The following EPHA5 variants were observed in gnomAD, a reference collection of about 807,000 sequenced individuals.
The protein encoded by EPHA5 is ephrin type-A receptor 5.
EPHA5 carries 60 observed loss-of-function variants against 105.0 expected under a neutral mutation model. The ratio of observed to expected loss-of-function variants is 0.57; its 90% CI spans 0.46 to 0.71. The LOEUF is 0.71. Among genes scored for constraint, EPHA5 ranks in the 30% least tolerant of loss-of-function variants. The pLI is 0.00. For missense variants in EPHA5, 1,218 were observed against 1,274.7 expected (o/e 0.96, Z 0.68); for synonymous variants, 513 against 449.1 (o/e 1.14, Z -1.80).
At chr4:65,359,204 A>T (rs906813242) in intron 11 of EPHA5, among the ~76,000 whole-genome samples, 2 of 151,578 alleles carry the variant, frequency 1.3e-5, no homozygotes, top group African/African-American at 4.8e-5. Context: ...TTTTTAGTGT[A>T]CGTGTATTTA....
At position 65,551,842 on chromosome 4, in the gene EPHA5, G is replaced by T. The variant is rs1737952629; in HGVS notation, c.910+49799C>A. Among the ~76,000 whole-genome samples, 3 of 152,254 alleles carry T rather than the reference G, an allele frequency of 2.0e-5. No homozygotes were observed. In the South Asian group the frequency reaches 6.2e-4, roughly 32 times the overall value. ...TACTGTAGCTATTACCATATAGGTAGTTAAATTATTTAAATCATCAGAAGC... is the reference window on the plus strand; with the variant it reads ...TACTGTAGCTATTACCATATAGGTATTTAAATTATTTAAATCATCAGAAGC... On this transcript the variant is annotated intron_variant, in intron 3 of 16. Transcript: ENST00000613740.
chr4:65,663,102 C>G (rs1578726750), intron 1 of EPHA5, among the ~76,000 whole-genome samples: 1 of 151,962 alleles, frequency 6.6e-6, no homozygotes, highest in Non-Finnish European at 1.5e-5. Context: ...ACTGCAAACC[C>G]TACAGGAAAA....
intron 3 of EPHA5, among the ~76,000 whole-genome samples, chr4:65,541,090 GA>G (rs1736784703): frequency 2.0e-5 from 3 of 150,352 alleles, no homozygotes; most frequent in Admixed American, 1.3e-4. Flanking sequence ...CTACTTTTAA[GA>G]AAAAAATGCA....
At chr4:65,476,045 C>A (rs1729763199) in intron 5 of EPHA5, among the ~76,000 whole-genome samples, 1 of 150,900 alleles carries the variant, frequency 6.6e-6, no homozygotes, top group South Asian at 2.1e-4. Context: ...GAACTTCCTA[C>A]AAATGTAATT....
At chr4:65,385,915 G>T (rs1720035761) in intron 8 of EPHA5, among the ~76,000 whole-genome samples, 1 of 151,790 alleles carries the variant, frequency 6.6e-6, no homozygotes, top group Non-Finnish European at 1.5e-5. Flanking sequence ...ATAGCCCAGA[G>T]CCAACATAGA....
intron 5 of EPHA5, among the ~76,000 whole-genome samples, chr4:65,465,552 AAGGAAAGG>A (rs1728628221): frequency 2.1e-5 from 1 of 47,756 alleles, no homozygotes; most frequent in Non-Finnish European, 5.6e-5. Context: ...GAAGGAAAGG[AAGGAAAGG>A]AAGGAAAGGA....
At chr4:65,471,197 T>A (rs1729251757) in intron 5 of EPHA5, among the ~76,000 whole-genome samples, 1 of 152,194 alleles carries the variant, frequency 6.6e-6, no homozygotes, top group African/African-American at 2.4e-5. Context: ...GGATGAAGTT[T>A]TTCTTTTAAC....
At chr4:65,480,689 T>C (rs935429993) in intron 5 of EPHA5, among the ~76,000 whole-genome samples, 1 of 152,268 alleles carries the variant, frequency 6.6e-6, no homozygotes, top group Admixed American at 6.5e-5. Flanking sequence ...GCCATGGCAA[T>C]GTTCAGCTTC....
chr4:65,455,628 T>G (rs1727503733), intron 5 of EPHA5, among the ~76,000 whole-genome samples: 1 of 152,186 alleles, frequency 6.6e-6, no homozygotes, highest in East Asian at 1.9e-4. Context: ...GAACTTTGTT[T>G]CTATTTCCTT....
chr4:65,623,507 T>C (rs1447710253), intron 2 of EPHA5, among the ~76,000 whole-genome samples: 1 of 152,030 alleles, frequency 6.6e-6, no homozygotes, highest in Non-Finnish European at 1.5e-5. Flanking sequence ...TATGTGAGAA[T>C]ATAATATAAC....
At chr4:65,348,002 A>G (rs2148841029) in intron 14 of EPHA5, 52 bp downstream of exon 14, 1 of 1,481,586 alleles carries the variant, frequency 6.7e-7, no homozygotes, top group Non-Finnish European at 9.0e-7. Flanking sequence ...GTCTTGACTC[A>G]GAGAACAAAG....
At chr4:65,448,344 A>G (rs919984956) in intron 5 of EPHA5, among the ~76,000 whole-genome samples, 1 of 151,974 alleles carries the variant, frequency 6.6e-6, no homozygotes, top group Non-Finnish European at 1.5e-5. Flanking sequence ...ATTTATTATT[A>G]AAAAACAAAA....
In EPHA5 at chr4:65,548,047, A is replaced by G. The variant is rs557640901; in HGVS notation, c.911-52504T>C. 2.0e-5 allele frequency among the ~76,000 whole-genome samples: 3 copies of G among 151,642 alleles called. No homozygotes were observed. In the East Asian group the frequency reaches 5.8e-4, roughly 30 times the overall value. On this transcript the variant is annotated intron_variant, in intron 3 of 16. Transcript: ENST00000613740. ...TTTGCAAATAAAATATACAACACAT[A>G]AATATAACCAGGACCATAAAATAGG...
At chr4:65,367,525 A>C in intron 8 of EPHA5, 101 bp from the exon 9 acceptor site, 2 of 1,043,384 alleles carry the variant, frequency 1.9e-6, no homozygotes, top group Non-Finnish European at 2.9e-6. Flanking sequence ...GCAACCCTAA[A>C]CTGATTTTCA....
chr4:65,404,845 A>G (rs117371592), intron 7 of EPHA5, among the ~76,000 whole-genome samples: 2 of 152,252 alleles, frequency 1.3e-5, no homozygotes, highest in East Asian at 3.9e-4. Flanking sequence ...CAGGTATATA[A>G]GATTTGACAT....
intron 11 of EPHA5, among the ~76,000 whole-genome samples, chr4:65,362,544 C>T (rs1436703106): frequency 6.6e-6 from 1 of 151,656 alleles, no homozygotes; most frequent in Admixed American, 6.6e-5. Flanking sequence ...GTATGTGTAG[C>T]CTCATGCTGA....
rs1010721625 is a variant in EPHA5 at position 65,365,250 on chromosome 4, G to T, written c.1988-48C>A. 2.6e-6 allele frequency: 4 copies of T among 1,521,512 alleles called. No individual in the cohort carries two copies. In the African/African-American group the frequency reaches 5.5e-5, roughly 21 times the overall value. 94.3% of individuals were successfully genotyped at this position (1,521,512 alleles called of 1,614,324 possible). A position where few individuals can be genotyped will look rare whatever the true frequency, so the allele number is the denominator to read the frequency against. On this transcript the variant is annotated intron_variant, in intron 10 of 16. Coordinates refer to ENST00000613740, the MANE Select transcript of EPHA5 (RefSeq NM_001281766.3). ...TGCAAAAACTCATTTGAAATTGTTAGTCTATTAACACTTGTATGCCCTCTT... is the reference window on the plus strand; with the variant it reads ...TGCAAAAACTCATTTGAAATTGTTATTCTATTAACACTTGTATGCCCTCTT...
At chr4:65,453,376 C>T (rs1343951499) in intron 5 of EPHA5, among the ~76,000 whole-genome samples, 2 of 152,106 alleles carry the variant, frequency 1.3e-5, no homozygotes, top group African/African-American at 4.8e-5. Flanking sequence ...TTCTCCAACT[C>T]TTTAGGTCAA....
chr4:65,516,899 A>G (rs748890331), intron 3 of EPHA5, among the ~76,000 whole-genome samples: 18 of 139,662 alleles, frequency 1.3e-4, no homozygotes, highest in Non-Finnish European at 3.2e-5. Flanking sequence ...CTAACCAGAC[A>G]GCACAGCATG....
Sources: allele counts gnomAD v4.1 joint callset (sites outside exome capture counted in the v4.1 genomes callset), GRCh38; gene constraint gnomAD v4.1.1; transcripts MANE v1.5; gene names NCBI Gene and HGNC (gene_info 2026-07-23, HGNC 2026-07-21).